LSM14A: variants seen among roughly 807,000 people sequenced by gnomAD.
The protein encoded by LSM14A is LSM14A mRNA processing body assembly factor, also known as protein LSM14 homolog A.
In LSM14A, 14 loss-of-function variants were observed where a neutral mutation model predicts 52.4. That is an observed-to-expected ratio of 0.27 (90% CI 0.18 to 0.42). The LOEUF (loss-of-function observed/expected upper bound fraction) is 0.42, where lower values mean the gene tolerates loss of function less well. Among genes scored for constraint, LSM14A ranks in the 10% least tolerant of loss-of-function variants. LSM14A has a pLI of 1.00. For missense variants in LSM14A, 417 were observed against 581.8 expected, an observed-to-expected ratio of 0.72 and a Z score of 2.91; for synonymous variants, 185 against 200.3, an observed-to-expected ratio of 0.92 and a Z score of 0.64.
At chr19:34,200,828 A>T (rs2145704594) in intron 3 of LSM14A, among the ~76,000 whole-genome samples, 1 of 152,320 alleles carries the variant, frequency 6.6e-6, no homozygotes, top group Middle Eastern at 3.4e-3. Context: ...TTTCCTGGGG[A>T]TTCAAGTAAG....
In LSM14A at chr19:34,183,315, G is replaced by T. The variant is rs540517293; in HGVS notation, c.121+10552G>T. On this transcript the variant is annotated intron_variant, in intron 1 of 9. Transcript: ENST00000544216. ...CGCCTGTAATCCCAGCACTTTGGGA[G>T]GCCGAGGCGGGCGGATTACGAGGTC... Among the ~76,000 whole-genome samples, 15 of 152,254 alleles carry T rather than the reference G, an allele frequency of 9.9e-5. No individual in the cohort carries two copies. The East Asian group carries it at 2.9e-3, about 29-fold the overall frequency.
intron 9 of LSM14A, among the ~76,000 whole-genome samples, chr19:34,223,549 T>C (rs1387408880): frequency 6.6e-6 from 1 of 152,252 alleles, no homozygotes; most frequent in Non-Finnish European, 1.5e-5. Context: ...TGTTGGCTCA[T>C]GGTATACTGC....
Position 34,227,828 on chromosome 19 carries a change from G to A in LSM14A, c.*440G>A, listed in dbSNP as rs1260632. On this transcript the variant is annotated 3_prime_UTR_variant, in exon 10 of 10. Coordinates refer to ENST00000544216, the MANE Select transcript of LSM14A (RefSeq NM_015578.4). ...TGTGTGTGTGTGTGTGTGTGTGTGT[G>A]TATGTGTGTGTCTTTTTCCTCCTTT... 19 of 143,900 alleles carry A rather than the reference G, an allele frequency of 1.3e-4. No individual in the cohort carries two copies. The highest frequency in any genetic ancestry group is 4.9e-4 in the African/African-American group (18 of 36,786). 8.9% of individuals were successfully genotyped at this position (143,900 alleles called of 1,614,324 possible).
chr19:34,200,062 G>A (rs1348104798), intron 3 of LSM14A, among the ~76,000 whole-genome samples: 2 of 152,196 alleles, frequency 1.3e-5, no homozygotes, highest in Admixed American at 1.3e-4. Context: ...GATGATTGGG[G>A]TGGGGGGCAA....
At chr19:34,216,275 C>G (rs1429125377) in intron 6 of LSM14A, among the ~76,000 whole-genome samples, 1 of 151,444 alleles carries the variant, frequency 6.6e-6, no homozygotes, top group Non-Finnish European at 1.5e-5. Context: ...TAGCCGGGCG[C>G]AGTGGCGGGC....
At chr19:34,203,472 G>T (rs535685519) in intron 3 of LSM14A, among the ~76,000 whole-genome samples, 1 of 152,228 alleles carries the variant, frequency 6.6e-6, no homozygotes, top group Admixed American at 6.5e-5. Context: ...AGCCAGGGGG[G>T]TGTTTCAACC....
chr19:34,221,769 G>T (rs1407975649), intron 9 of LSM14A, 31 bp downstream of exon 9: 1 of 1,582,474 alleles, frequency 6.3e-7, no homozygotes, highest in African/African-American at 1.4e-5. Flanking sequence ...ATTCTTTGGG[G>T]TTGACATGCA....
At chr19:34,205,246 G>A (rs2071598037) in intron 3 of LSM14A, among the ~76,000 whole-genome samples, 1 of 151,962 alleles carries the variant, frequency 6.6e-6, no homozygotes, top group Non-Finnish European at 1.5e-5. Flanking sequence ...CAGCACTTTG[G>A]GAGGTCAAGG....
At chr19:34,220,418 AC>A (rs1367401769) in intron 8 of LSM14A, among the ~76,000 whole-genome samples, 1 of 152,230 alleles carries the variant, frequency 6.6e-6, no homozygotes, top group African/African-American at 2.4e-5. Context: ...TCTAAGTAGG[AC>A]CTTTTTTTCA....
intron 6 of LSM14A, among the ~76,000 whole-genome samples, chr19:34,218,069 T>G (rs1271983487): frequency 6.7e-6 from 1 of 150,162 alleles, no homozygotes; most frequent in Non-Finnish European, 1.5e-5. Context: ...AGTGGTGCGA[T>G]CTCTGCTCAC....
At chr19:34,221,982 A>C (rs941807488) in intron 9 of LSM14A, 1 of 409,012 alleles carries the variant, frequency 2.4e-6, no homozygotes, top group Middle Eastern at 1.2e-3. Flanking sequence ...CAAAGAGTCT[A>C]TCTAGGAAGC....
chr19:34,221,237 C>T (rs1023649429), intron 8 of LSM14A: 3 of 417,930 alleles, frequency 7.2e-6, no homozygotes, highest in African/African-American at 5.9e-5. Context: ...CACCTGCCAC[C>T]ATGCCCAGCT....
At chr19:34,219,908 T>C (rs763711063) in intron 8 of LSM14A, 31 bp downstream of exon 8, 6 of 1,461,524 alleles carry the variant, frequency 4.1e-6, no homozygotes, top group South Asian at 3.6e-5. Flanking sequence ...TTTTATCTTA[T>C]GATATTGATT....
chr19:34,180,517 A>G (rs1428658570), intron 1 of LSM14A, among the ~76,000 whole-genome samples: 1 of 152,176 alleles, frequency 6.6e-6, no homozygotes, highest in African/African-American at 2.4e-5. Context: ...TTGGTGCTTA[A>G]TAGAGAATAG....
At chr19:34,184,210 C>G (rs1468645297) in intron 1 of LSM14A, among the ~76,000 whole-genome samples, 1 of 152,004 alleles carries the variant, frequency 6.6e-6, no homozygotes, top group Non-Finnish European at 1.5e-5. Flanking sequence ...CATGCACCAC[C>G]ATGCCAGCTA....
Position 34,181,355 on chromosome 19 carries a change from A to G in LSM14A, c.121+8592A>G, listed in dbSNP as rs1337220280. ...TTACCCCATTTCTATCCTTCCCTTT[A>G]TAGCGAAACCCCTTGAAGAAGTTGT... is the stretch of plus-strand genomic sequence containing the variant. On this transcript the variant is annotated intron_variant, in intron 1 of 9. Coordinates refer to ENST00000544216, the MANE Select transcript of LSM14A (RefSeq NM_015578.4). Among the ~76,000 whole-genome samples the G allele has an allele frequency of 3.3e-5, 5 of 152,122 alleles. No individual in the cohort carries two copies. The East Asian group carries it at 7.7e-4, about 23-fold the overall frequency.
chr19:34,203,086 CTG>C (rs1351344680), intron 3 of LSM14A, among the ~76,000 whole-genome samples: 2 of 152,288 alleles, frequency 1.3e-5, no homozygotes, highest in East Asian at 3.9e-4. Flanking sequence ...CAGTATTTCC[CTG>C]TGTTACCATT....
intron 1 of LSM14A, among the ~76,000 whole-genome samples, chr19:34,183,701 A>G (rs184807698): frequency 6.6e-6 from 1 of 152,338 alleles, no homozygotes; most frequent in African/African-American, 2.4e-5. Flanking sequence ...GTCAGTGGGA[A>G]AAGCCAAGAT....
At chr19:34,221,387 G>A in intron 8 of LSM14A, 120 bp from the exon 9 acceptor site, 3 of 1,168,254 alleles carry the variant, frequency 2.6e-6, no homozygotes, top group South Asian at 1.5e-5. Context: ...TAGCCAAGAT[G>A]CTTATTTCTA....
Sources: allele counts gnomAD v4.1 joint callset (sites outside exome capture counted in the v4.1 genomes callset), GRCh38; gene constraint gnomAD v4.1.1; transcripts MANE v1.5; gene names NCBI Gene and HGNC (gene_info 2026-07-23, HGNC 2026-07-21).